ROBO1: variants seen among roughly 807,000 people sequenced by gnomAD.
The protein encoded by ROBO1 is roundabout homolog 1.
ROBO1 carries 149 observed loss-of-function variants against 195.9 expected under a neutral mutation model. The observed-to-expected ratio is 0.76, with a 90% CI of 0.67 to 0.87. The LOEUF is 0.87. Among genes scored for constraint, ROBO1 ranks in the 40% least tolerant of loss-of-function variants. The pLI, the probability that ROBO1 is intolerant of heterozygous loss-of-function variation, is 0.00. For synonymous variants in ROBO1, 816 were observed against 733.2 expected, an observed-to-expected ratio of 1.11 and a Z score of -1.82; for missense variants, 1,933 against 2,068.3, an observed-to-expected ratio of 0.93 and a Z score of 1.27.
intron 2 of ROBO1, among the ~76,000 whole-genome samples, chr3:79,477,253 T>C (rs1339852212): frequency 6.6e-6 from 1 of 152,184 alleles, no homozygotes; most frequent in Non-Finnish European, 1.5e-5. Context: ...CACTGCACTG[T>C]ATTCAAATAC....
intron 4 of ROBO1, among the ~76,000 whole-genome samples, chr3:78,933,139 A>G (rs1328649850): frequency 6.6e-6 from 1 of 152,088 alleles, no homozygotes; most frequent in Non-Finnish European, 1.5e-5. Flanking sequence ...TTATTGCTAG[A>G]AGGAATATTA....
chr3:79,584,062 T>C (rs1404547126), intron 2 of ROBO1, among the ~76,000 whole-genome samples: 1 of 151,874 alleles, frequency 6.6e-6, no homozygotes, highest in East Asian at 1.9e-4. Context: ...TTGCTAACAA[T>C]TTAGAAATTA....
chr3:79,023,754 G>A (rs1276105729), intron 3 of ROBO1, among the ~76,000 whole-genome samples: 1 of 129,924 alleles, frequency 7.7e-6, no homozygotes, highest in Non-Finnish European at 1.6e-5. Context: ...CCACGCTTGA[G>A]TGCAGTGGTG....
chr3:79,630,099 C>T (rs1028243138), intron 1 of ROBO1, among the ~76,000 whole-genome samples: 7 of 151,698 alleles, frequency 4.6e-5, no homozygotes, highest in African/African-American at 1.5e-4. Flanking sequence ...ATTCTAAAAA[C>T]AAACAAACAA....
At chr3:78,782,515 A>G (rs1282564878) in intron 4 of ROBO1, among the ~76,000 whole-genome samples, 1 of 151,996 alleles carries the variant, frequency 6.6e-6, no homozygotes, top group African/African-American at 2.4e-5. Flanking sequence ...GAAATTCTTA[A>G]TGTCGCTTCC....
intron 19 of ROBO1, among the ~76,000 whole-genome samples, chr3:78,648,590 G>A (rs915937973): frequency 8.6e-5 from 13 of 151,510 alleles, no homozygotes; most frequent in Admixed American, 6.6e-5. Flanking sequence ...GTTGGATAAC[G>A]GCAGAGCAAT....
chr3:79,682,365 C>CA (rs1946975457), intron 1 of ROBO1, among the ~76,000 whole-genome samples: 1 of 150,902 alleles, frequency 6.6e-6, no homozygotes, highest in African/African-American at 2.4e-5. Flanking sequence ...TCCAAAAAAG[C>CA]AAAGGAATTT....
intron 4 of ROBO1, among the ~76,000 whole-genome samples, chr3:78,915,302 T>A (rs2107559733): frequency 6.6e-6 from 1 of 152,272 alleles, no homozygotes; most frequent in South Asian, 2.1e-4. Flanking sequence ...ATTTCAAAAT[T>A]TGAAGAGATA....
At position 79,674,310 on chromosome 3, in the gene ROBO1, GTGGC is replaced by G. The variant is rs1157191643; in HGVS notation, c.-50-84353_-50-84350del. On this transcript the variant is annotated intron_variant, in intron 1 of 30. Coordinates refer to ENST00000464233, the MANE Select transcript of ROBO1 (RefSeq NM_002941.4). The stretch of plus-strand genomic sequence containing the variant: ...TAAAGGACTTAACACTGAAGAACAC[GTGGC>G]TGTTCTCAATGCATGTCAATGCATG... 2.6e-5 allele frequency among the ~76,000 whole-genome samples: 4 copies of G among 151,852 alleles called. No homozygotes were observed. The East Asian group carries it at 7.8e-4, about 29-fold the overall frequency.
chr3:79,577,973 C>T (rs1943548510), intron 2 of ROBO1, among the ~76,000 whole-genome samples: 1 of 151,706 alleles, frequency 6.6e-6, no homozygotes, highest in African/African-American at 2.4e-5. Context: ...AAGTAGACAA[C>T]CAACCCCCCA....
intron 1 of ROBO1, among the ~76,000 whole-genome samples, chr3:79,624,223 G>C (rs1236796524): frequency 6.6e-6 from 1 of 151,912 alleles, no homozygotes; most frequent in African/African-American, 2.4e-5. Context: ...GGAAAAACTG[G>C]TACCAACCAC....
chr3:78,949,190 A>C lies in ROBO1; in HGVS notation c.173-10263T>G, dbSNP rs1471804419. On this transcript the variant is annotated intron_variant, in intron 3 of 30. Transcript: ENST00000464233. ...AAGTTCATATGGAACCAAAAAAGAG[A>C]CCGCATCGCCAAGTCAATCCTAAGC... Among the ~76,000 whole-genome samples, 186 of 134,334 alleles carry C rather than the reference A, an allele frequency of 1.4e-3. 1 individual carries two copies. Among genetic ancestry groups the C allele is most frequent in the African/African-American group, 3.6e-3 (117 of 32,722 alleles). The allele number at this position is 134,334 out of a possible 152,430, so 88.1% of individuals were successfully genotyped here.
intron 7 of ROBO1, among the ~76,000 whole-genome samples, chr3:78,716,899 A>G (rs1315292596): frequency 6.6e-6 from 1 of 152,136 alleles, no homozygotes; most frequent in Non-Finnish European, 1.5e-5. Flanking sequence ...AGGAAAAGGA[A>G]GCCTGATTTT....
At chr3:78,841,853 C>A (rs1030062717) in intron 4 of ROBO1, among the ~76,000 whole-genome samples, 6 of 152,006 alleles carry the variant, frequency 3.9e-5, no homozygotes, top group Admixed American at 3.9e-4. Flanking sequence ...TTTAATAAAG[C>A]CCTTTCATTA....
At chr3:79,193,257 CA>C (rs1220203329) in intron 2 of ROBO1, among the ~76,000 whole-genome samples, 1 of 151,600 alleles carries the variant, frequency 6.6e-6, no homozygotes, top group Non-Finnish European at 1.5e-5. Context: ...TGGTTGGATA[CA>C]AAAGTTTGTG....
chr3:79,563,462 G>C (rs1226190400), intron 2 of ROBO1, among the ~76,000 whole-genome samples: 1 of 151,978 alleles, frequency 6.6e-6, no homozygotes, highest in African/African-American at 2.4e-5. Flanking sequence ...GTGTGTTTAT[G>C]CCACATGGCT....
chr3:79,723,445 T>A (rs1702784958), intron 1 of ROBO1, among the ~76,000 whole-genome samples: 1 of 152,180 alleles, frequency 6.6e-6, no homozygotes, highest in Non-Finnish European at 1.5e-5. Context: ...ATAGGCAATT[T>A]GAAGATGATT....
At chr3:79,740,238 T>TATAA (rs1703581777) in intron 1 of ROBO1, among the ~76,000 whole-genome samples, 6 of 21,372 alleles carry the variant, frequency 2.8e-4, no homozygotes, top group African/African-American at 1.5e-3. Flanking sequence ...TATATATAAA[T>TATAA]ATATATATAT....
chr3:79,134,191 GA>G (rs1348182580), intron 2 of ROBO1, among the ~76,000 whole-genome samples: 1 of 138,774 alleles, frequency 7.2e-6, no homozygotes, highest in African/African-American at 2.7e-5. Context: ...AAATTTACAA[GA>G]AAAAAACAAA....
Sources: gnomAD v4.1 joint callset for allele counts (sites outside exome capture counted in the v4.1 genomes callset) on GRCh38, gnomAD v4.1.1 for gene constraint, MANE v1.5 for transcripts, NCBI Gene and HGNC (gene_info 2026-07-23, HGNC 2026-07-21) for gene names.